The following TAF4 variants were observed in gnomAD, a reference collection of about 807,000 sequenced individuals.
TAF4 encodes the protein TATA-box binding protein associated factor 4.
TAF4 carries 9 observed loss-of-function variants against 90.3 expected under a neutral mutation model. The ratio of observed to expected loss-of-function variants is 0.10; its 90% CI spans 0.06 to 0.17. The LOEUF (loss-of-function observed/expected upper bound fraction) is 0.17. Ranked by LOEUF, TAF4 falls within the 10% of genes least tolerant of loss-of-function variation. The probability of loss-of-function intolerance (pLI) is 1.00; values close to 1 mark genes in which losing one functional copy is unlikely to be tolerated. For missense variants in TAF4, 1,351 were observed against 1,370.7 expected (o/e 0.99, Z 0.23); for synonymous variants, 818 against 638.9 (o/e 1.28, Z -4.23).
At chr20:62,046,813 T>C (rs1418776686) in intron 1 of TAF4, among the ~76,000 whole-genome samples, 1 of 152,220 alleles carries the variant, frequency 6.6e-6, no homozygotes, top group Non-Finnish European at 1.5e-5. Flanking sequence ...TTTCATGTCC[T>C]GGAGTCTAAC....
intron 1 of TAF4, among the ~76,000 whole-genome samples, chr20:62,047,880 A>C (rs868486834): frequency 1.3e-5 from 2 of 152,206 alleles, no homozygotes; most frequent in Non-Finnish European, 2.9e-5. Flanking sequence ...TATTTTTATA[A>C]ACACCAGCAC....
Position 62,009,977 on chromosome 20 carries a change from A to C in TAF4, c.1761+69T>G, listed in dbSNP as rs984216230. ...GGACAGAAGCCGGCCTGAGGTCTCA[A>C]GGCTGCATTTTCTGACCTGCGCCAC... On this transcript the variant is annotated intron_variant, in intron 4 of 14. Coordinates refer to ENST00000252996, the MANE Select transcript of TAF4 (RefSeq NM_003185.4). 1.9e-6 allele frequency: 3 copies of C among 1,601,140 alleles called. No homozygotes were observed. In the African/African-American group the frequency reaches 4.0e-5, roughly 21 times the overall value.
chr20:62,021,034 C>T (rs1166575971), intron 1 of TAF4, among the ~76,000 whole-genome samples: 1 of 152,118 alleles, frequency 6.6e-6, no homozygotes, highest in African/African-American at 2.4e-5. Context: ...AACACAGATC[C>T]CAGCCACAGT....
At chr20:62,032,094 T>C (rs1244239673) in intron 1 of TAF4, among the ~76,000 whole-genome samples, 1 of 152,230 alleles carries the variant, frequency 6.6e-6, no homozygotes, top group African/African-American at 2.4e-5. Flanking sequence ...GGAGTCTCCA[T>C]GTTAAGACTT....
Position 62,064,794 on chromosome 20 carries a change from C to A in TAF4, c.1017G>T (p.Ala339=). The change falls in exon 1 of 15, where the codon GCG becomes GCT. Residue 339 remains alanine (A), a synonymous_variant. Coordinates refer to ENST00000252996, the MANE Select transcript of TAF4 (RefSeq NM_003185.4). ...TGGGCGACTCGGCCTTGACCCCCGG[C>A]GCCGGCGCCGCAGCCGCCGCGCCGG... ...PGPGAAAAAP[A]PGVKAESPKR... The A allele has an allele frequency of 1.9e-6, 2 of 1,027,374 alleles. No individual in the cohort carries two copies. Among genetic ancestry groups the A allele is most frequent in the Non-Finnish European group, 1.2e-6 (1 of 859,344 alleles). The allele number at this position is 1,027,374 out of a possible 1,614,324, so 63.6% of individuals were successfully genotyped here. A position where few individuals can be genotyped will look rare whatever the true frequency, so the allele number is the denominator to read the frequency against.
intron 14 of TAF4, among the ~76,000 whole-genome samples, chr20:61,992,296 G>A (rs547551617): frequency 6.6e-6 from 1 of 152,188 alleles, no homozygotes; most frequent in Non-Finnish European, 1.5e-5. Context: ...AAGGGAGAAA[G>A]CACATGAACA....
rs1252664054 is a variant in TAF4 at position 62,045,085 on chromosome 20, C to T, written c.1360+19366G>A. On this transcript the variant is annotated intron_variant, in intron 1 of 14. Coordinates refer to ENST00000252996, the MANE Select transcript of TAF4 (RefSeq NM_003185.4). The stretch of plus-strand genomic sequence containing the variant: ...ACAAGGAAAAGAAAACTCACAACGC[C>T]GACATGAAAACACAGGTGAGTAGGT... Among the ~76,000 whole-genome samples, 4 of 152,180 alleles carry T rather than the reference C, an allele frequency of 2.6e-5. No homozygotes were observed. In the South Asian group the frequency reaches 8.3e-4, roughly 31 times the overall value.
At chr20:62,054,027 T>C (rs764699828) in intron 1 of TAF4, among the ~76,000 whole-genome samples, 9 of 152,196 alleles carry the variant, frequency 5.9e-5, no homozygotes, top group Admixed American at 4.6e-4. Context: ...CAGGACCCAG[T>C]AGGATCGTCG....
At chr20:61,986,069 T>C (rs113481988) in intron 14 of TAF4, among the ~76,000 whole-genome samples, 137 of 39,884 alleles carry the variant, frequency 3.4e-3, no homozygotes, top group African/African-American at 4.2e-3. Context: ...CCATCCCCAA[T>C]CAAAGGAAAC....
chr20:62,049,381 A>C (rs949502224), intron 1 of TAF4, among the ~76,000 whole-genome samples: 12 of 152,122 alleles, frequency 7.9e-5, no homozygotes, highest in African/African-American at 2.9e-4. Context: ...CAGCAGCCAC[A>C]ACACACAGGC....
intron 11 of TAF4, 118 bp from the exon 12 acceptor site, chr20:61,999,226 C>A (rs989549703): frequency 2.3e-6 from 3 of 1,317,850 alleles, no homozygotes; most frequent in Non-Finnish European, 3.1e-6. Context: ...AGTCTGAATG[C>A]GGCGAGGACC....
At chr20:62,050,280 C>T (rs1191503162) in intron 1 of TAF4, among the ~76,000 whole-genome samples, 5 of 152,130 alleles carry the variant, frequency 3.3e-5, no homozygotes, top group Admixed American at 6.5e-5. Flanking sequence ...TCCAGGGTCC[C>T]GGCCTGGCTC....
intron 14 of TAF4, among the ~76,000 whole-genome samples, chr20:61,982,399 C>A (rs2055553627): frequency 7.1e-6 from 1 of 141,308 alleles, no homozygotes; most frequent in Non-Finnish European, 1.5e-5. Flanking sequence ...AAAACCCACA[C>A]AACCTACACC....
At chr20:62,042,624 C>A (rs1271248758) in intron 1 of TAF4, among the ~76,000 whole-genome samples, 1 of 152,264 alleles carries the variant, frequency 6.6e-6, no homozygotes, top group African/African-American at 2.4e-5. Context: ...CCTGCACGCT[C>A]CCCTTCCAGC....
chr20:62,023,729 C>CA (rs2055857120), intron 1 of TAF4, among the ~76,000 whole-genome samples: 2 of 103,162 alleles, frequency 1.9e-5, no homozygotes, highest in South Asian at 6.8e-4. Flanking sequence ...GCCTGGGCAA[C>CA]AGAGCAAGAC....
At chr20:62,045,749 C>T (rs1055722164) in intron 1 of TAF4, among the ~76,000 whole-genome samples, 6 of 152,174 alleles carry the variant, frequency 3.9e-5, no homozygotes, top group Non-Finnish European at 7.3e-5. Context: ...AGATCTGTGG[C>T]GAAAGAGCAG....
At chr20:62,023,194 C>A (rs538558904) in intron 1 of TAF4, among the ~76,000 whole-genome samples, 1 of 152,404 alleles carries the variant, frequency 6.6e-6, no homozygotes, top group African/African-American at 2.4e-5. Flanking sequence ...GTCATCCCAG[C>A]ACTTCAGGAG....
At position 61,999,094 on chromosome 20, in the gene TAF4, A is replaced by C; in HGVS notation, c.2802T>G (p.Tyr934Ter). Residue 934 changes from tyrosine (Y) to a stop codon, truncating the protein, a stop_gained, in exon 12 of 15, where the codon TAT becomes TAG. Transcript: ENST00000252996. LOFTEE classifies it high-confidence loss of function. ...GTGCCCGGACGTCACTCGCCTGCTC[A>C]TATCTGTCGTCATCCTATGAAGAAA... ...KNFSYKDDDR[Y>*]EQASDVRAQL... 1 of 1,614,134 alleles carries C rather than the reference A, an allele frequency of 6.2e-7. No homozygotes were observed. The highest frequency in any genetic ancestry group is 8.5e-7 in the Non-Finnish European group (1 of 1,180,030).
intron 6 of TAF4, among the ~76,000 whole-genome samples, 163 bp downstream of exon 6, chr20:62,007,384 C>T (rs1338737482): frequency 6.6e-6 from 1 of 152,224 alleles, no homozygotes; most frequent in African/African-American, 2.4e-5. Context: ...AAAAAACTAA[C>T]ATTCTGTCCC....
Sources: allele counts gnomAD v4.1 joint callset (sites outside exome capture counted in the v4.1 genomes callset), GRCh38; gene constraint gnomAD v4.1.1; transcripts MANE v1.5; gene names NCBI Gene and HGNC (gene_info 2026-07-23, HGNC 2026-07-21).